Variants in ULK4 observed in about 807,000 individuals in gnomAD.
ULK4 encodes unc-51 like kinase 4.
Under a neutral mutation model 160.6 loss-of-function variants are expected in ULK4, and 133 were observed. The observed-to-expected ratio is 0.83, with a 90% CI of 0.72 to 0.96. The LOEUF (loss-of-function observed/expected upper bound fraction) is 0.96, where lower values mean the gene tolerates loss of function less well. Ranked by LOEUF, ULK4 falls within the 40% of genes least tolerant of loss-of-function variation. The probability of loss-of-function intolerance (pLI) is 0.00; values close to 1 mark genes in which losing one functional copy is unlikely to be tolerated. For missense variants in ULK4, 1,580 were observed against 1,499.5 expected (o/e 1.05, Z -0.89); for synonymous variants, 534 against 539.8 (o/e 0.99, Z 0.15).
At chr3:41,294,855 T>A (rs1297623399) in intron 35 of ULK4, among the ~76,000 whole-genome samples, 1 of 152,216 alleles carries the variant, frequency 6.6e-6, no homozygotes, top group African/African-American at 2.4e-5. Context: ...CACTCAATAC[T>A]GTCAAGAGGT....
chr3:41,420,007 C>T (rs943818075), intron 34 of ULK4, among the ~76,000 whole-genome samples: 4 of 151,928 alleles, frequency 2.6e-5, no homozygotes, highest in Admixed American at 1.3e-4. Context: ...TCTTAATCTG[C>T]CACTGACTTC....
intron 17 of ULK4, among the ~76,000 whole-genome samples, chr3:41,849,710 G>A (rs1411711209): frequency 6.6e-6 from 1 of 152,192 alleles, no homozygotes; most frequent in African/African-American, 2.4e-5. Context: ...TTTGGTGCAG[G>A]ATGTTAATAG....
At position 41,514,119 on chromosome 3, in the gene ULK4, G is replaced by T. The variant is rs557703781; in HGVS notation, c.3227-50866C>A. Among the ~76,000 whole-genome samples the T allele has an allele frequency of 2.6e-3, 395 of 152,100 alleles. 1 individual carries two copies. The highest frequency in any genetic ancestry group is 7.3e-3 in the Admixed American group (111 of 15,282). ...CTAATAAAATTATTTTTAATGGATT[G>T]TTTAAAAAAATTGAAAAGGAAACCA... On this transcript the variant is annotated intron_variant, in intron 32 of 36. Coordinates refer to ENST00000301831, the MANE Select transcript of ULK4 (RefSeq NM_017886.4).
intron 31 of ULK4, among the ~76,000 whole-genome samples, chr3:41,572,941 C>T (rs1424448481): frequency 3.3e-5 from 5 of 152,002 alleles, no homozygotes; most frequent in Non-Finnish European, 4.4e-5. Flanking sequence ...AAAGAGGAAA[C>T]GACTCACAGA....
chr3:41,407,799 C>G (rs566757462), intron 34 of ULK4, among the ~76,000 whole-genome samples: 2 of 152,186 alleles, frequency 1.3e-5, no homozygotes, highest in East Asian at 1.9e-4. Flanking sequence ...AGATCATGAA[C>G]AAAGAAAGAT....
chr3:41,259,722 A>G (rs2078906911), intron 35 of ULK4: 1 of 152,214 alleles, frequency 6.6e-6, no homozygotes, highest in Non-Finnish European at 1.5e-5. Flanking sequence ...TGTGGCTGTA[A>G]CTGAGTAAGG....
Position 41,801,568 on chromosome 3 carries a change from G to A in ULK4, c.1849-1275C>T, listed in dbSNP as rs537044935. ...AAAGGAATAAAGAGAAAACCTTATG[G>A]ACAAGGAGCAATGTCCCATTCCTGT... On this transcript the variant is annotated intron_variant, in intron 19 of 36. Coordinates refer to ENST00000301831, the MANE Select transcript of ULK4 (RefSeq NM_017886.4). 1.1e-4 allele frequency among the ~76,000 whole-genome samples: 16 copies of A among 151,968 alleles called. No individual in the cohort carries two copies. The South Asian group carries it at 1.5e-3, about 14-fold the overall frequency.
At chr3:41,400,120 A>G (rs903499109) in intron 34 of ULK4, among the ~76,000 whole-genome samples, 6 of 152,230 alleles carry the variant, frequency 3.9e-5, no homozygotes, top group African/African-American at 1.4e-4. Flanking sequence ...TACTTCACCC[A>G]GTTTCCCCAA....
intron 35 of ULK4, among the ~76,000 whole-genome samples, chr3:41,270,392 G>A (rs990407805): frequency 1.3e-5 from 2 of 152,100 alleles, no homozygotes; most frequent in Non-Finnish European, 2.9e-5. Context: ...CTCCCCATGG[G>A]CCCTAGAGTT....
At chr3:41,772,680 A>G (rs1347705719) in intron 21 of ULK4, among the ~76,000 whole-genome samples, 1 of 152,204 alleles carries the variant, frequency 6.6e-6, no homozygotes, top group Admixed American at 6.5e-5. Flanking sequence ...AAACTATTCC[A>G]ATCAATAGAA....
intron 34 of ULK4, among the ~76,000 whole-genome samples, chr3:41,454,190 AG>A (rs917943725): frequency 4.0e-5 from 6 of 149,810 alleles, no homozygotes; most frequent in Non-Finnish European, 7.4e-5. Flanking sequence ...AAAAAAAAAA[AG>A]AAAAAAGAAA....
rs1699619452 is a variant in ULK4, at chr3:41,931,974, A to G, written c.411T>C (p.Phe137=). ...ILLEGPGTLK[F]SNFCLAKVEG... ...CCACTTTTGCCAAGCAAAAGTTGCT[A>G]AACTTCAGTGTGCCAGGCCCTTCCA... is the stretch of plus-strand genomic sequence containing the variant. The change falls in exon 5 of 37, where the codon TTT becomes TTC. Residue 137 remains phenylalanine (F), a synonymous_variant. Coordinates refer to ENST00000301831, the MANE Select transcript of ULK4 (RefSeq NM_017886.4). 1 of 1,614,064 alleles carries G rather than the reference A, an allele frequency of 6.2e-7. No individual in the cohort carries two copies. The highest frequency in any genetic ancestry group is 8.5e-7 in the Non-Finnish European group (1 of 1,179,966).
intron 27 of ULK4, among the ~76,000 whole-genome samples, chr3:41,691,359 T>C (rs897689737): frequency 6.6e-6 from 1 of 151,888 alleles, no homozygotes; most frequent in Non-Finnish European, 1.5e-5. Flanking sequence ...AACCACAAAC[T>C]TGAGTCTCTC....
intron 31 of ULK4, among the ~76,000 whole-genome samples, chr3:41,581,683 T>C (rs2030355017): frequency 6.6e-6 from 1 of 152,142 alleles, no homozygotes; most frequent in South Asian, 2.1e-4. Flanking sequence ...CACCCAGACA[T>C]GAGCCATTTG....
chr3:41,286,455 A>ATGAC (rs1365576425), intron 35 of ULK4, among the ~76,000 whole-genome samples: 1 of 152,134 alleles, frequency 6.6e-6, no homozygotes, highest in Non-Finnish European at 1.5e-5. Flanking sequence ...GCTATGGGGG[A>ATGAC]AAGCAGATGA....
At chr3:41,646,821 C>G (rs1469842632) in intron 30 of ULK4, among the ~76,000 whole-genome samples, 1 of 152,216 alleles carries the variant, frequency 6.6e-6, no homozygotes, top group Admixed American at 6.5e-5. Context: ...CCGTCACTTT[C>G]AGGTACACCA....
At chr3:41,921,758 T>G (rs1399098672) in intron 5 of ULK4, among the ~76,000 whole-genome samples, 1 of 152,228 alleles carries the variant, frequency 6.6e-6, no homozygotes, top group Non-Finnish European at 1.5e-5. Flanking sequence ...AAATGGTTTA[T>G]GCAAAAAATA....
chr3:41,609,166 A>G (rs1411710215), intron 31 of ULK4, among the ~76,000 whole-genome samples: 1 of 152,146 alleles, frequency 6.6e-6, no homozygotes, highest in Non-Finnish European at 1.5e-5. Context: ...TGGGTACAAT[A>G]TATGGTTTTT....
intron 31 of ULK4, among the ~76,000 whole-genome samples, chr3:41,609,818 G>A (rs936001626): frequency 4.6e-5 from 7 of 151,812 alleles, no homozygotes; most frequent in African/African-American, 1.4e-4. Context: ...CAAACACTAC[G>A]AAAAAATTAG....
Sources: gnomAD v4.1 joint callset for allele counts (sites outside exome capture counted in the v4.1 genomes callset) on GRCh38, gnomAD v4.1.1 for gene constraint, MANE v1.5 for transcripts, NCBI Gene and HGNC (gene_info 2026-07-23, HGNC 2026-07-21) for gene names.